Variants in PRKG1 observed in about 807,000 individuals in gnomAD.
PRKG1 encodes protein kinase cGMP-dependent 1, also known as cGMP-dependent protein kinase 1.
A neutral mutation model predicts 88.1 loss-of-function variants in PRKG1; 35 were observed. The ratio of observed to expected loss-of-function variants is 0.40; its 90% CI spans 0.30 to 0.53. The LOEUF (loss-of-function observed/expected upper bound fraction) is 0.53. Ranked by LOEUF, PRKG1 falls within the 20% of genes least tolerant of loss-of-function variation. PRKG1 has a pLI of 0.59. For missense variants in PRKG1, 540 were observed against 839.8 expected (o/e 0.64, Z 4.41); for synonymous variants, 303 against 292.5 (o/e 1.04, Z -0.37).
chr10:51,466,576 A>G (rs1839913881), intron 2 of PRKG1, among the ~76,000 whole-genome samples: 1 of 151,992 alleles, frequency 6.6e-6, no homozygotes, highest in South Asian at 2.1e-4. Flanking sequence ...AATTTAAAAT[A>G]TATATATTTA....
intron 1 of PRKG1, among the ~76,000 whole-genome samples, chr10:51,002,975 T>C (rs1842903964): frequency 6.6e-6 from 1 of 152,168 alleles, no homozygotes; most frequent in African/African-American, 2.4e-5. Flanking sequence ...ATAAGATGCT[T>C]TTATAAAAAG....
chr10:52,049,825 A>G (rs964140721), intron 5 of PRKG1, among the ~76,000 whole-genome samples: 1 of 152,064 alleles, frequency 6.6e-6, no homozygotes, highest in African/African-American at 2.4e-5. Context: ...AGTCCCTACT[A>G]TGTTCCAAGC....
chr10:51,929,578 T>C (rs1842646977), intron 5 of PRKG1, among the ~76,000 whole-genome samples: 1 of 152,108 alleles, frequency 6.6e-6, no homozygotes, highest in African/African-American at 2.4e-5. Flanking sequence ...CTTGAACTCC[T>C]GACCTCAAGT....
At chr10:51,598,274 C>A (rs185458644) in intron 3 of PRKG1, among the ~76,000 whole-genome samples, 81 of 152,160 alleles carry the variant, frequency 5.3e-4, no homozygotes, top group African/African-American at 1.9e-3. Flanking sequence ...GTTGCCCAAG[C>A]CTTTATTTTT....
intron 2 of PRKG1, among the ~76,000 whole-genome samples, chr10:51,380,841 G>A (rs185355659): frequency 6.0e-4 from 91 of 152,206 alleles, no homozygotes; most frequent in Admixed American, 1.2e-3. Context: ...AAACTTAGGC[G>A]ACGTCCAGGA....
At chr10:52,283,094 T>C (rs942191900) in intron 14 of PRKG1, among the ~76,000 whole-genome samples, 1 of 152,126 alleles carries the variant, frequency 6.6e-6, no homozygotes, top group Non-Finnish European at 1.5e-5. Flanking sequence ...CAGTCATCTT[T>C]TGACGATCAT....
At chr10:51,274,728 A>G (rs1163905295) in intron 2 of PRKG1, among the ~76,000 whole-genome samples, 1 of 152,210 alleles carries the variant, frequency 6.6e-6, no homozygotes, top group Non-Finnish European at 1.5e-5. Context: ...TTAAAAATCC[A>G]TTCCTAGTTC....
At chr10:52,178,111 G>GT (rs1193937508) in intron 9 of PRKG1, among the ~76,000 whole-genome samples, 9 of 151,508 alleles carry the variant, frequency 5.9e-5, no homozygotes, top group Non-Finnish European at 1.2e-4. Flanking sequence ...AATATTTCTA[G>GT]TTTTTTTGAT....
intron 4 of PRKG1, among the ~76,000 whole-genome samples, chr10:51,881,721 G>C (rs777534891): frequency 6.6e-6 from 1 of 152,148 alleles, no homozygotes; most frequent in Non-Finnish European, 1.5e-5. Flanking sequence ...GATTTGTTTT[G>C]AGGCAGTATA....
At chr10:51,992,002 C>T (rs571666382) in intron 5 of PRKG1, among the ~76,000 whole-genome samples, 1 of 152,110 alleles carries the variant, frequency 6.6e-6, no homozygotes, top group South Asian at 2.1e-4. Flanking sequence ...GTTCCAAGCA[C>T]CAAGTCAAAG....
Position 52,294,834 on chromosome 10 carries a change from ACC to A in PRKG1, c.*936_*937del, listed in dbSNP as rs1842348576. On this transcript the variant is annotated 3_prime_UTR_variant, in exon 18 of 18. Transcript: ENST00000373980. ...TAGGGTGGAGTGGGGAGGGATTAAA[ACC>A]CATCCAAAAAATAAATAAAAACTAT... 6.6e-6 allele frequency: 1 copy of A among 152,362 alleles called. No homozygotes were observed. The highest frequency in any genetic ancestry group is 2.1e-4 in the South Asian group (1 of 4,820). 9.4% of individuals were successfully genotyped at this position (152,362 alleles called of 1,614,324 possible). A position where few individuals can be genotyped will look rare whatever the true frequency, so the allele number is the denominator to read the frequency against.
intron 4 of PRKG1, among the ~76,000 whole-genome samples, chr10:51,820,041 A>G (rs950554755): frequency 6.6e-6 from 1 of 152,156 alleles, no homozygotes; most frequent in Non-Finnish European, 1.5e-5. Flanking sequence ...ATAAATTAAT[A>G]AAGAATATAT....
intron 2 of PRKG1, among the ~76,000 whole-genome samples, chr10:51,446,258 T>C (rs1839270023): frequency 2.0e-5 from 3 of 151,984 alleles, no homozygotes; most frequent in African/African-American, 7.2e-5. Context: ...TCTTTCCTTC[T>C]TTTCTTTTAA....
intron 2 of PRKG1, among the ~76,000 whole-genome samples, chr10:51,168,133 T>C (rs1020203381): frequency 4.6e-5 from 7 of 152,194 alleles, no homozygotes; most frequent in African/African-American, 1.7e-4. Context: ...GCAGCAGTTC[T>C]GAAAGTGTGA....
chr10:51,907,038 T>A (rs1486825162), intron 4 of PRKG1, among the ~76,000 whole-genome samples: 1 of 152,174 alleles, frequency 6.6e-6, no homozygotes, highest in Non-Finnish European at 1.5e-5. Context: ...TCTAGTAAGT[T>A]GTGACTGAAA....
intron 2 of PRKG1, among the ~76,000 whole-genome samples, chr10:51,434,329 C>G (rs532923886): frequency 6.6e-6 from 1 of 152,102 alleles, no homozygotes; most frequent in Admixed American, 6.6e-5. Flanking sequence ...AGCCAAAAGA[C>G]GAAGTAGCGA....
intron 2 of PRKG1, among the ~76,000 whole-genome samples, chr10:51,327,372 G>T (rs539085479): frequency 6.8e-6 from 1 of 147,736 alleles, no homozygotes; most frequent in South Asian, 2.2e-4. Flanking sequence ...AGCCAGGATC[G>T]CACCACTGTA....
At chr10:51,105,124 G>C (rs1433319775) in intron 1 of PRKG1, among the ~76,000 whole-genome samples, 7 of 152,178 alleles carry the variant, frequency 4.6e-5, no homozygotes, top group Non-Finnish European at 1.0e-4. Context: ...GCCCACCTCA[G>C]CCTCCCAAAG....
chr10:52,221,405 T>G (rs961075751), intron 9 of PRKG1, among the ~76,000 whole-genome samples: 1 of 152,224 alleles, frequency 6.6e-6, no homozygotes, highest in African/African-American at 2.4e-5. Context: ...ATGAGTTTTA[T>G]TTTAAAAACT....
Sources: gnomAD v4.1 joint callset for allele counts (sites outside exome capture counted in the v4.1 genomes callset) on GRCh38, gnomAD v4.1.1 for gene constraint, MANE v1.5 for transcripts, NCBI Gene and HGNC (gene_info 2026-07-23, HGNC 2026-07-21) for gene names.